The following ATRNL1 variants were observed in gnomAD, a reference collection of about 807,000 sequenced individuals.
ATRNL1 encodes attractin like 1.
A neutral mutation model predicts 182.7 loss-of-function variants in ATRNL1; 95 were observed. The ratio of observed to expected loss-of-function variants is 0.52; its 90% CI spans 0.44 to 0.62. The LOEUF is 0.62. Ranked by LOEUF, ATRNL1 falls within the 20% of genes least tolerant of loss-of-function variation. ATRNL1 has a pLI of 0.00. For missense variants in ATRNL1, 1,471 were observed against 1,679.5 expected, an observed-to-expected ratio of 0.88 and a Z score of 2.17; for synonymous variants, 576 against 568.3, an observed-to-expected ratio of 1.01 and a Z score of -0.19.
chr10:115,914,989 A>G (rs1952800378), intron 28 of ATRNL1, among the ~76,000 whole-genome samples: 1 of 152,258 alleles, frequency 6.6e-6, no homozygotes, highest in Admixed American at 6.5e-5. Flanking sequence ...TTAGTAAGTG[A>G]TACTGTTTTT....
At chr10:115,534,793 G>A (rs1340171355) in intron 25 of ATRNL1, among the ~76,000 whole-genome samples, 1 of 150,746 alleles carries the variant, frequency 6.6e-6, no homozygotes, top group South Asian at 2.1e-4. Context: ...CTCTTTTAGG[G>A]CAGGCCTGGT....
chr10:115,731,289 G>A (rs1947790702), intron 27 of ATRNL1, among the ~76,000 whole-genome samples: 1 of 152,172 alleles, frequency 6.6e-6, no homozygotes, highest in Non-Finnish European at 1.5e-5. Context: ...CCAGGACAAT[G>A]TGGACTGTGG....
intron 26 of ATRNL1, among the ~76,000 whole-genome samples, chr10:115,629,754 C>CT (rs782076945): frequency 2.0e-5 from 3 of 151,966 alleles, no homozygotes; most frequent in Non-Finnish European, 2.9e-5. Flanking sequence ...TTCCTTAACT[C>CT]TTTATTATAG....
At chr10:115,804,722 T>C (rs1195159868) in intron 27 of ATRNL1, among the ~76,000 whole-genome samples, 1 of 152,154 alleles carries the variant, frequency 6.6e-6, no homozygotes, top group African/African-American at 2.4e-5. Flanking sequence ...ACCAAGACTT[T>C]CAGTGGGTTG....
chr10:115,170,963 A>T, intron 7 of ATRNL1, 74 bp from the exon 8 acceptor site: 1 of 917,532 alleles, frequency 1.1e-6, no homozygotes, highest in East Asian at 3.1e-5. Context: ...TGTAAATTTA[A>T]CCTTTATTTT....
intron 12 of ATRNL1, 152 bp downstream of exon 12, chr10:115,267,157 A>T: frequency 1.8e-6 from 1 of 565,088 alleles, no homozygotes; most frequent in Non-Finnish European, 3.1e-6. Context: ...GAACCTAGTG[A>T]TTAATAATTT....
chr10:115,688,602 CT>C (rs530400597), intron 26 of ATRNL1, among the ~76,000 whole-genome samples: 2 of 152,086 alleles, frequency 1.3e-5, no homozygotes, highest in South Asian at 4.2e-4. Flanking sequence ...CATTGGCCAT[CT>C]TTATGTCTTC....
intron 27 of ATRNL1, among the ~76,000 whole-genome samples, chr10:115,747,309 T>A (rs1555069420): frequency 6.6e-6 from 1 of 152,102 alleles, no homozygotes; most frequent in African/African-American, 2.4e-5. Context: ...AATTCTGCAT[T>A]CCTTCATTCT....
At chr10:115,862,440 T>G (rs1482653608) in intron 28 of ATRNL1, among the ~76,000 whole-genome samples, 1 of 152,250 alleles carries the variant, frequency 6.6e-6, no homozygotes, top group Non-Finnish European at 1.5e-5. Context: ...TTTAGCTCTT[T>G]GTGCAGCTCT....
At chr10:115,537,586 T>C (rs147027237) in intron 25 of ATRNL1, among the ~76,000 whole-genome samples, 210 of 152,340 alleles carry the variant, frequency 1.4e-3, no homozygotes, top group African/African-American at 4.7e-3. Flanking sequence ...CCTTTTACAT[T>C]TATAATTCAA....
chr10:115,876,249 A>G (rs1239677079), intron 28 of ATRNL1, among the ~76,000 whole-genome samples: 6 of 146,818 alleles, frequency 4.1e-5, no homozygotes, highest in Non-Finnish European at 9.2e-5. Context: ...ACCCTTTCTC[A>G]GCTTTAATTT....
At chr10:115,717,836 G>A (rs1555056734) in intron 26 of ATRNL1, among the ~76,000 whole-genome samples, 1 of 152,086 alleles carries the variant, frequency 6.6e-6, no homozygotes, top group Non-Finnish European at 1.5e-5. Flanking sequence ...TTACAGGCGT[G>A]AGCCACCTCA....
chr10:115,256,096 C>A (rs1851118226), intron 10 of ATRNL1, among the ~76,000 whole-genome samples: 1 of 152,070 alleles, frequency 6.6e-6, no homozygotes, highest in African/African-American at 2.4e-5. Flanking sequence ...GTCTAAAATT[C>A]TCTTTTTTTG....
intron 26 of ATRNL1, among the ~76,000 whole-genome samples, chr10:115,549,962 T>G (rs1242155705): frequency 1.3e-5 from 2 of 151,868 alleles, no homozygotes; most frequent in African/African-American, 4.8e-5. Context: ...TATAACATTC[T>G]TTTTTTGGGA....
chr10:115,169,017 CTTTTTT>C (rs71010011), intron 7 of ATRNL1, among the ~76,000 whole-genome samples: 1 of 104,256 alleles, frequency 9.6e-6, no homozygotes. Context: ...GGTGCAAGTT[CTTTTTT>C]TTTTTTTTTT....
chr10:115,486,893 C>G (rs1220788499), intron 24 of ATRNL1, among the ~76,000 whole-genome samples: 1 of 152,170 alleles, frequency 6.6e-6, no homozygotes, highest in Non-Finnish European at 1.5e-5. Context: ...AGTCTTTAAT[C>G]TACCTTTAGT....
At position 115,364,821 on chromosome 10, in the gene ATRNL1, T is replaced by G. The variant is rs528759424; in HGVS notation, c.3176-29838T>G. Among the ~76,000 whole-genome samples, 17 of 151,064 alleles carry G rather than the reference T, an allele frequency of 1.1e-4. No individual in the cohort carries two copies. In the East Asian group the frequency reaches 3.3e-3, roughly 29 times the overall value. ...GGCTCTGTTTATATGCTGGATTACA[T>G]TTATTGATTTGCGTATATTGAACCA... On this transcript the variant is annotated intron_variant, in intron 19 of 28. Transcript: ENST00000355044.
chr10:115,433,036 T>C (rs1459325744), intron 21 of ATRNL1, among the ~76,000 whole-genome samples: 1 of 152,102 alleles, frequency 6.6e-6, no homozygotes, highest in Non-Finnish European at 1.5e-5. Context: ...CCCCTAATTA[T>C]TGTGTTTTAA....
chr10:115,788,352 T>C (rs1346570673), intron 27 of ATRNL1, among the ~76,000 whole-genome samples: 4 of 151,852 alleles, frequency 2.6e-5, no homozygotes, highest in African/African-American at 7.3e-5. Context: ...ACCTAAATAG[T>C]GTATTTCAGA....
Sources: allele counts gnomAD v4.1 joint callset (sites outside exome capture counted in the v4.1 genomes callset), GRCh38; gene constraint gnomAD v4.1.1; transcripts MANE v1.5; gene names NCBI Gene and HGNC (gene_info 2026-07-23, HGNC 2026-07-21).